The following CLPB variants were observed in gnomAD, a reference collection of about 807,000 sequenced individuals.
The protein encoded by CLPB is mitochondrial disaggregase.
A neutral mutation model predicts 78.4 loss-of-function variants in CLPB; 40 were observed. The ratio of observed to expected loss-of-function variants is 0.51; its 90% confidence interval spans 0.40 to 0.66. The LOEUF is 0.66. Among genes scored for constraint, CLPB ranks in the 30% least tolerant of loss-of-function variants. CLPB has a pLI of 0.00. For missense variants in CLPB, 780 were observed against 886.9 expected, an observed-to-expected ratio of 0.88 and a Z score of 1.53; for synonymous variants, 333 against 348.0, an observed-to-expected ratio of 0.96 and a Z score of 0.48.
At position 72,396,094 on chromosome 11, in the gene CLPB, T is replaced by C. The variant is rs536001081; in HGVS notation, c.542+6872A>G. ...AATAAATGACTGCTGTGAGAGGGAATTGAATGGTCTTCAGCCAAGGATGGC... is the reference window on the plus strand; with the variant it reads ...AATAAATGACTGCTGTGAGAGGGAACTGAATGGTCTTCAGCCAAGGATGGC... On this transcript the variant is annotated intron_variant, in intron 3 of 15. Coordinates refer to ENST00000538039, the MANE Select transcript of CLPB (RefSeq NM_001258392.3). Among the ~76,000 whole-genome samples the C allele has an allele frequency of 2.6e-5, 4 of 152,192 alleles. No homozygotes were observed. The East Asian group carries it at 7.7e-4, about 29-fold the overall frequency.
intron 5 of CLPB, chr11:72,353,031 A>G (rs1230600895): frequency 2.0e-5 from 3 of 152,260 alleles, no homozygotes; most frequent in African/African-American, 7.2e-5. Flanking sequence ...AGCCTGAGGC[A>G]CAGCTGATTC....
In CLPB at chr11:72,334,998, T is replaced by C. The variant is rs534750018; in HGVS notation, c.776-5194A>G. ...GGGAAATATGTTTCTGTCAGTGGTATTGAAAAAAGTTTAGTGGAGTGACAG... is the reference window on the plus strand; with the variant it reads ...GGGAAATATGTTTCTGTCAGTGGTACTGAAAAAAGTTTAGTGGAGTGACAG... On this transcript the variant is annotated intron_variant, in intron 5 of 15. Coordinates refer to ENST00000538039, the MANE Select transcript of CLPB (RefSeq NM_001258392.3). Among the ~76,000 whole-genome samples, 9 of 152,384 alleles carry C rather than the reference T, an allele frequency of 5.9e-5. No homozygotes were observed. The East Asian group carries it at 7.7e-4, about 13-fold the overall frequency.
chr11:72,377,550 AC>A (rs1366474387), intron 4 of CLPB, among the ~76,000 whole-genome samples: 2 of 152,050 alleles, frequency 1.3e-5, no homozygotes, highest in Non-Finnish European at 2.9e-5. Flanking sequence ...CTATCTACCT[AC>A]CTACCCAGAA....
chr11:72,308,426 C>A, intron 8 of CLPB, 101 bp downstream of exon 8: 2 of 963,546 alleles, frequency 2.1e-6, no homozygotes. Context: ...TGACCTAGAG[C>A]TGGACCTGCT....
intron 4 of CLPB, among the ~76,000 whole-genome samples, chr11:72,365,468 G>A (rs1209077334): frequency 6.6e-6 from 1 of 152,214 alleles, no homozygotes; most frequent in Non-Finnish European, 1.5e-5. Context: ...TCTCTTTATG[G>A]AGTGATAAAA....
chr11:72,433,925 C>G, intron 1 of CLPB, 147 bp downstream of exon 1: 1 of 971,466 alleles, frequency 1.0e-6, no homozygotes, highest in Non-Finnish European at 1.5e-6. Context: ...GGGCAACACC[C>G]TGCCCCTGTA....
chr11:72,359,245 G>A, intron 4 of CLPB: 1 of 668,124 alleles, frequency 1.5e-6, no homozygotes, highest in Non-Finnish European at 2.7e-6. Flanking sequence ...CTGGGGACAT[G>A]AAATAGATCA....
chr11:72,300,076 C>A (rs924428408), intron 11 of CLPB, among the ~76,000 whole-genome samples: 2 of 152,182 alleles, frequency 1.3e-5, no homozygotes, highest in East Asian at 3.9e-4. Flanking sequence ...ACGGACCTCG[C>A]TCTTTTGGCC....
intron 3 of CLPB, among the ~76,000 whole-genome samples, chr11:72,381,224 C>T (rs1854902942): frequency 1.3e-5 from 2 of 152,186 alleles, no homozygotes; most frequent in Admixed American, 6.5e-5. Flanking sequence ...GAGACATACA[C>T]TCATGGGGGA....
At chr11:72,332,618 T>C (rs984867431) in intron 5 of CLPB, 13 of 152,182 alleles carry the variant, frequency 8.5e-5, no homozygotes, top group African/African-American at 3.1e-4. Flanking sequence ...AGAAATTCCC[T>C]ATCTATTATC....
At chr11:72,433,996 C>T (rs920352720) in intron 1 of CLPB, 76 bp downstream of exon 1, 12 of 1,526,800 alleles carry the variant, frequency 7.9e-6, no homozygotes, top group Admixed American at 3.5e-5. Context: ...CTATAAGTAC[C>T]TCCCACCCTC....
chr11:72,382,392 C>T (rs970837839), intron 3 of CLPB, among the ~76,000 whole-genome samples: 5 of 152,216 alleles, frequency 3.3e-5, no homozygotes, highest in South Asian at 2.1e-4. Flanking sequence ...TGGATGCAGG[C>T]GCCAAGTCAA....
At chr11:72,409,330 T>A (rs1174760588) in intron 2 of CLPB, among the ~76,000 whole-genome samples, 1 of 152,062 alleles carries the variant, frequency 6.6e-6, no homozygotes. Context: ...ACACCTGTAA[T>A]CCCAGCACTT....
chr11:72,356,243 A>G (rs1278790418), intron 5 of CLPB, among the ~76,000 whole-genome samples: 1 of 149,602 alleles, frequency 6.7e-6, no homozygotes, highest in Non-Finnish European at 1.5e-5. Context: ...GCGCCATTGC[A>G]CTCCAGCCTG....
chr11:72,366,199 T>C (rs1014147879), intron 4 of CLPB, among the ~76,000 whole-genome samples: 1 of 151,272 alleles, frequency 6.6e-6, no homozygotes, highest in Non-Finnish European at 1.5e-5. Flanking sequence ...ATAAGGAACT[T>C]ATGTGGGTCT....
At chr11:72,369,949 T>C (rs1026754682) in intron 4 of CLPB, among the ~76,000 whole-genome samples, 1 of 152,178 alleles carries the variant, frequency 6.6e-6, no homozygotes, top group African/African-American at 2.4e-5. Flanking sequence ...CCATGGTCCA[T>C]TGTGACAGCT....
chr11:72,346,655 A>C (rs1950520079), intron 5 of CLPB, among the ~76,000 whole-genome samples: 2 of 151,990 alleles, frequency 1.3e-5, no homozygotes, highest in Admixed American at 6.6e-5. Flanking sequence ...CAACATAACT[A>C]AGCCTATAAT....
At chr11:72,329,280 GAAT>G (rs901726214) in intron 6 of CLPB, among the ~76,000 whole-genome samples, 18 of 152,192 alleles carry the variant, frequency 1.2e-4, no homozygotes, top group African/African-American at 4.3e-4. Flanking sequence ...GTTCTAGAAA[GAAT>G]GATGATAAGA....
At chr11:72,402,939 A>T in intron 3 of CLPB, 27 bp downstream of exon 3, 1 of 1,598,924 alleles carries the variant, frequency 6.3e-7, no homozygotes, top group Non-Finnish European at 8.6e-7. Flanking sequence ...TGCCTAAAGG[A>T]GCCCTGTGTG....
Sources: gnomAD v4.1 joint callset for allele counts (sites outside exome capture counted in the v4.1 genomes callset) on GRCh38, gnomAD v4.1.1 for gene constraint, MANE v1.5 for transcripts, NCBI Gene and HGNC (gene_info 2026-07-23, HGNC 2026-07-21) for gene names.